The following CPLX4 variants were observed in gnomAD, a reference collection of about 807,000 sequenced individuals.
CPLX4 encodes the protein complexin-4.
Under a neutral mutation model 16.1 loss-of-function variants are expected in CPLX4, and 17 were observed. That is an observed-to-expected ratio of 1.06 (90% CI 0.72 to 1.59). The LOEUF (loss-of-function observed/expected upper bound fraction) is 1.59. Among genes scored for constraint, CPLX4 ranks in the 40% most tolerant of loss-of-function variants. The pLI is 0.00. For missense variants in CPLX4, 193 were observed against 192.9 expected, an observed-to-expected ratio of 1.00 and a Z score of 0.00; for synonymous variants, 55 against 57.8, an observed-to-expected ratio of 0.95 and a Z score of 0.22.
chr18:59,303,722 T>A (rs1483941634), intron 2 of CPLX4, among the ~76,000 whole-genome samples: 1 of 152,230 alleles, frequency 6.6e-6, no homozygotes, highest in East Asian at 1.9e-4. Context: ...AAAGCTGGTG[T>A]GGCCAAGCAA....
At position 59,296,934 on chromosome 18, in the gene CPLX4, A is replaced by C. The variant is rs549259082; in HGVS notation, c.256-9T>G. ...TTCTCATCCATTTCACTCTATGTGA[A>C]AAATAAATAGAGATAGATAAATAAC... is the stretch of plus-strand genomic sequence containing the variant. On this transcript the variant is annotated splice_polypyrimidine_tract_variant and intron_variant, in intron 2 of 2. Transcript: ENST00000299721. 3 of 1,601,056 alleles carry C rather than the reference A, an allele frequency of 1.9e-6. No individual in the cohort carries two copies. Among genetic ancestry groups the C allele is most frequent in the Non-Finnish European group, 2.5e-6 (3 of 1,177,368 alleles).
At chr18:59,306,810 G>A (rs574705254) in intron 2 of CPLX4, among the ~76,000 whole-genome samples, 1 of 152,318 alleles carries the variant, frequency 6.6e-6, no homozygotes, top group African/African-American at 2.4e-5. Flanking sequence ...TTATGTAACC[G>A]CTGTGGTGGT....
At chr18:59,311,465 G>C (rs2144189844) in intron 2 of CPLX4, among the ~76,000 whole-genome samples, 1 of 152,220 alleles carries the variant, frequency 6.6e-6, no homozygotes, top group East Asian at 1.9e-4. Context: ...TCTAGTGCTT[G>C]TAGTTTCTAA....
intron 1 of CPLX4, among the ~76,000 whole-genome samples, chr18:59,316,771 T>A (rs1272910331): frequency 6.6e-6 from 1 of 152,178 alleles, no homozygotes; most frequent in Admixed American, 6.5e-5. Flanking sequence ...GTTAATCAAA[T>A]AGATGCCTTA....
chr18:59,311,466 T>C (rs1031584825), intron 2 of CPLX4, among the ~76,000 whole-genome samples: 2 of 152,148 alleles, frequency 1.3e-5, no homozygotes, highest in African/African-American at 4.8e-5. Flanking sequence ...CTAGTGCTTG[T>C]AGTTTCTAAA....
At chr18:59,304,679 C>A (rs1201895100) in intron 2 of CPLX4, among the ~76,000 whole-genome samples, 1 of 152,124 alleles carries the variant, frequency 6.6e-6, no homozygotes, top group Non-Finnish European at 1.5e-5. Context: ...TCAAGCGATT[C>A]TCCTGCCTCA....
chr18:59,301,289 G>A (rs9947605), intron 2 of CPLX4, among the ~76,000 whole-genome samples: 5,607 of 152,292 alleles, frequency 0.037, 333 homozygotes, highest in African/African-American at 0.13. Context: ...TCTTCACCCC[G>A]TGTGAAAGAG....
chr18:59,313,932 C>G (rs1265407978), intron 1 of CPLX4, among the ~76,000 whole-genome samples: 1 of 152,208 alleles, frequency 6.6e-6, no homozygotes, highest in African/African-American at 2.4e-5. Flanking sequence ...GCATTATCTG[C>G]TTAAAACAAA....
intron 1 of CPLX4, 100 bp from the exon 2 acceptor site, chr18:59,312,872 G>T: frequency 1.7e-6 from 1 of 605,586 alleles, no homozygotes; most frequent in Non-Finnish European, 2.9e-6. Flanking sequence ...CTTCTGAGAT[G>T]CCACTGCTGG....
chr18:59,302,186 T>C (rs1436284669), intron 2 of CPLX4, among the ~76,000 whole-genome samples: 3 of 152,244 alleles, frequency 2.0e-5, no homozygotes, highest in Non-Finnish European at 4.4e-5. Flanking sequence ...TGACAGGACC[T>C]TGTCTGCAAT....
intron 1 of CPLX4, among the ~76,000 whole-genome samples, chr18:59,313,244 A>G (rs1442035504): frequency 6.6e-6 from 1 of 152,160 alleles, no homozygotes. Flanking sequence ...AGTGTCCAGA[A>G]CCAGGCAGTT....
chr18:59,296,749 G>A lies in CPLX4; in HGVS notation c.432C>T (p.Ala144=). 1 of 1,613,304 alleles carries A rather than the reference G, an allele frequency of 6.2e-7. No individual in the cohort carries two copies. Among genetic ancestry groups the A allele is most frequent in the South Asian group, 1.1e-5 (1 of 91,020 alleles). The change falls in exon 3 of 3, where the codon GCC becomes GCT. Residue 144 remains alanine (A), a synonymous_variant. Coordinates refer to ENST00000299721, the MANE Select transcript of CPLX4 (RefSeq NM_181654.4). The part of the protein sequence containing the change: ...DLDTIKEKAQ[A]TFTEIKQTAE... ...CTGTCTGCTTGATTTCAGTGAAGGT[G>A]GCCTGGGCTTTTTCTTTTATGGTAT...
intron 2 of CPLX4, among the ~76,000 whole-genome samples, chr18:59,300,539 T>G (rs996334348): frequency 6.6e-6 from 1 of 152,244 alleles, no homozygotes; most frequent in African/African-American, 2.4e-5. Context: ...AGCACATTAG[T>G]TCTACCACTT....
At chr18:59,305,368 C>CAAAA (rs2070569766) in intron 2 of CPLX4, among the ~76,000 whole-genome samples, 1 of 152,032 alleles carries the variant, frequency 6.6e-6, no homozygotes, top group Non-Finnish European at 1.5e-5. Context: ...AACAAACAAA[C>CAAAA]AAACAAACAA....
At chr18:59,308,705 G>C (rs943619165) in intron 2 of CPLX4, among the ~76,000 whole-genome samples, 8 of 152,162 alleles carry the variant, frequency 5.3e-5, no homozygotes, top group Admixed American at 1.3e-4. Context: ...CCGCGCTGGC[G>C]ACCGCTGCGC....
chr18:59,296,629 T>C lies in CPLX4; in HGVS notation c.*69A>G. On this transcript the variant is annotated 3_prime_UTR_variant, in exon 3 of 3. Transcript: ENST00000299721. ...TCACTACATTAAAACATGTACTGCTTGAAACGTCCCACAAGAGAGTGGTCT... is the reference window on the plus strand; with the variant it reads ...TCACTACATTAAAACATGTACTGCTCGAAACGTCCCACAAGAGAGTGGTCT... The C allele has an allele frequency of 6.4e-7, 1 of 1,558,250 alleles. No homozygotes were observed. The highest frequency in any genetic ancestry group is 8.8e-7 in the Non-Finnish European group (1 of 1,142,708).
At chr18:59,306,728 G>A (rs1461701429) in intron 2 of CPLX4, among the ~76,000 whole-genome samples, 1 of 152,166 alleles carries the variant, frequency 6.6e-6, no homozygotes, top group Non-Finnish European at 1.5e-5. Context: ...ACAGCTCCCG[G>A]GAAGACATTT....
chr18:59,311,778 G>A (rs1417607317), intron 2 of CPLX4, among the ~76,000 whole-genome samples: 2 of 152,140 alleles, frequency 1.3e-5, no homozygotes, highest in East Asian at 3.9e-4. Flanking sequence ...TGTCACTACT[G>A]GATGCAAGCC....
chr18:59,314,687 C>A (rs1432571892), intron 1 of CPLX4, among the ~76,000 whole-genome samples: 2 of 152,196 alleles, frequency 1.3e-5, no homozygotes, highest in African/African-American at 4.8e-5. Context: ...GCCCTAGAGG[C>A]AACCACCACG....
Sources: gnomAD v4.1 joint callset for allele counts (sites outside exome capture counted in the v4.1 genomes callset) on GRCh38, gnomAD v4.1.1 for gene constraint, MANE v1.5 for transcripts, NCBI Gene and HGNC (gene_info 2026-07-23, HGNC 2026-07-21) for gene names.